Variants in DCC observed in about 807,000 individuals in gnomAD.
DCC encodes netrin receptor DCC.
A neutral mutation model predicts 172.5 loss-of-function variants in DCC; 58 were observed. That is an observed-to-expected ratio of 0.34 (90% CI 0.27 to 0.42). DCC has a LOEUF of 0.42. Among genes scored for constraint, DCC ranks in the 10% least tolerant of loss-of-function variants. DCC has a pLI of 1.00. For missense variants in DCC, 1,740 were observed against 1,791.0 expected, an observed-to-expected ratio of 0.97 and a Z score of 0.51; for synonymous variants, 709 against 644.5, an observed-to-expected ratio of 1.10 and a Z score of -1.52.
intron 21 of DCC, among the ~76,000 whole-genome samples, chr18:53,434,886 G>A (rs1380482810): frequency 2.6e-5 from 4 of 152,138 alleles, no homozygotes; most frequent in Non-Finnish European, 4.4e-5. Context: ...AGAATATTGG[G>A]AGAAATAAAA....
intron 2 of DCC, among the ~76,000 whole-genome samples, chr18:52,782,164 C>G (rs772302222): frequency 6.6e-6 from 1 of 152,068 alleles, no homozygotes; most frequent in Non-Finnish European, 1.5e-5. Context: ...AGGATCTTTA[C>G]AAATGAGGGT....
rs528728961 is a variant in DCC, at chr18:52,950,494, T to C, written c.985+25124T>C. On this transcript the variant is annotated intron_variant, in intron 5 of 28. Transcript: ENST00000442544. Reference sequence around the variant, plus strand: ...CAAATTCCTTTGGACAAGAGAGATATAGATTATATAACTCACACCCAAAGA... The same window carrying C: ...CAAATTCCTTTGGACAAGAGAGATACAGATTATATAACTCACACCCAAAGA... Among the ~76,000 whole-genome samples, 3 of 152,314 alleles carry C rather than the reference T, an allele frequency of 2.0e-5. No individual in the cohort carries two copies. In the East Asian group the frequency reaches 5.8e-4, roughly 29 times the overall value.
chr18:53,530,240 C>T (rs569947801), intron 28 of DCC: 17 of 663,700 alleles, frequency 2.6e-5, no homozygotes, highest in East Asian at 8.1e-5. Context: ...AAGAAAATTA[C>T]GTATCAGAGA....
intron 2 of DCC, among the ~76,000 whole-genome samples, chr18:52,839,193 C>T (rs1039755995): frequency 6.6e-6 from 1 of 152,096 alleles, no homozygotes; most frequent in Non-Finnish European, 1.5e-5. Flanking sequence ...TTCAATAATA[C>T]ATGAAAATGA....
At chr18:53,101,676 A>G (rs568042785) in intron 7 of DCC, among the ~76,000 whole-genome samples, 60 of 152,188 alleles carry the variant, frequency 3.9e-4, no homozygotes, top group African/African-American at 1.4e-3. Context: ...TTCTACAGCC[A>G]TTCTCCCAGG....
intron 2 of DCC, among the ~76,000 whole-genome samples, chr18:52,888,893 CT>C (rs1376211168): frequency 1.3e-5 from 2 of 151,992 alleles, no homozygotes; most frequent in Admixed American, 1.3e-4. Context: ...ACACACACCC[CT>C]CTTTACACAG....
In DCC at chr18:52,712,039, G is replaced by A. The variant is rs867691992; in HGVS notation, c.92-40015G>A. 1.1e-4 allele frequency among the ~76,000 whole-genome samples: 16 copies of A among 151,830 alleles called. 1 individual carries two copies. The highest frequency in any genetic ancestry group is 3.4e-3 in the Middle Eastern group (1 of 294). The stretch of plus-strand genomic sequence containing the variant: ...TGCAGTGGTGTGACCTTGGCTCGCT[G>A]CAACCTCTGCCTCCTGGTTCAAGCA... On this transcript the variant is annotated intron_variant, in intron 1 of 28. Transcript: ENST00000442544.
At chr18:52,532,284 A>G (rs1318600990) in intron 1 of DCC, among the ~76,000 whole-genome samples, 1 of 152,216 alleles carries the variant, frequency 6.6e-6, no homozygotes, top group Non-Finnish European at 1.5e-5. Context: ...TAATGTGAGG[A>G]CTTCTTATCA....
intron 12 of DCC, among the ~76,000 whole-genome samples, chr18:53,217,262 TACACACACACACACAC>T (rs36226906): frequency 2.0e-4 from 27 of 133,366 alleles, no homozygotes; most frequent in Admixed American, 1.2e-3. Flanking sequence ...ATATATATTA[TACACACACACACACAC>T]ACACACACAC....
chr18:52,958,423 T>TG (rs1408268995), intron 5 of DCC, among the ~76,000 whole-genome samples: 2 of 152,132 alleles, frequency 1.3e-5, no homozygotes, highest in African/African-American at 4.8e-5. Flanking sequence ...AAGCCTAAAG[T>TG]GGGGAAATTA....
chr18:52,380,691 G>A (rs1985548473), intron 1 of DCC, among the ~76,000 whole-genome samples: 1 of 152,102 alleles, frequency 6.6e-6, no homozygotes, highest in African/African-American at 2.4e-5. Context: ...ATTATAAAAT[G>A]AGGATGTTGA....
At chr18:53,066,759 G>T (rs942099698) in intron 7 of DCC, among the ~76,000 whole-genome samples, 1 of 151,986 alleles carries the variant, frequency 6.6e-6, no homozygotes, top group Non-Finnish European at 1.5e-5. Flanking sequence ...AGAAATATCT[G>T]AGACTGGGTA....
intron 17 of DCC, among the ~76,000 whole-genome samples, chr18:53,394,544 T>C (rs1908790634): frequency 6.6e-6 from 1 of 152,134 alleles, no homozygotes; most frequent in Admixed American, 6.6e-5. Context: ...TTTATATGAA[T>C]TTCTATTCAA....
At chr18:53,488,955 G>A (rs2045931602) in intron 26 of DCC, among the ~76,000 whole-genome samples, 1 of 151,780 alleles carries the variant, frequency 6.6e-6, no homozygotes, top group African/African-American at 2.4e-5. Context: ...TCAAGACATC[G>A]AGACCATCCT....
chr18:53,132,156 C>T (rs551741186), intron 7 of DCC, among the ~76,000 whole-genome samples: 1 of 151,844 alleles, frequency 6.6e-6, no homozygotes, highest in African/African-American at 2.4e-5. Context: ...ATTTGAGGAC[C>T]TTGGCAGATG....
intron 2 of DCC, among the ~76,000 whole-genome samples, chr18:52,769,078 G>C (rs946118427): frequency 3.9e-5 from 6 of 152,198 alleles, no homozygotes; most frequent in Non-Finnish European, 5.9e-5. Context: ...GAGAATCCTA[G>C]AAAATCATCA....
At chr18:53,063,519 C>T (rs1156451353) in intron 6 of DCC, 60 bp downstream of exon 6, 36 of 1,335,492 alleles carry the variant, frequency 2.7e-5, no homozygotes, top group Admixed American at 6.4e-5. Flanking sequence ...ATTTTTTTCA[C>T]TTGTTTTTAT....
intron 5 of DCC, among the ~76,000 whole-genome samples, chr18:53,026,844 T>TAGCCACTA (rs1399946825): frequency 6.6e-6 from 1 of 152,132 alleles, no homozygotes; most frequent in Non-Finnish European, 1.5e-5. Context: ...ATTACAAGCA[T>TAGCCACTA]AGCCACTATG....
intron 1 of DCC, among the ~76,000 whole-genome samples, chr18:52,736,760 A>G (rs150641354): frequency 5.0e-4 from 76 of 152,286 alleles, no homozygotes; most frequent in African/African-American, 1.6e-3. Context: ...CTCCTATGAC[A>G]TTGACGTAAT....
Sources: gnomAD v4.1 joint callset for allele counts (sites outside exome capture counted in the v4.1 genomes callset) on GRCh38, gnomAD v4.1.1 for gene constraint, MANE v1.5 for transcripts, NCBI Gene and HGNC (gene_info 2026-07-23, HGNC 2026-07-21) for gene names.